RHOBTB1: variants seen among roughly 807,000 people sequenced by gnomAD.
RHOBTB1 encodes rho-related BTB domain-containing protein 1.
In RHOBTB1, 40 loss-of-function variants were observed where a neutral mutation model predicts 71.6. That is an observed-to-expected ratio of 0.56 (90% CI 0.43 to 0.73). The LOEUF (loss-of-function observed/expected upper bound fraction) is 0.73. RHOBTB1 is among the 30% of genes least tolerant of loss of function. The pLI is 0.00. For synonymous variants in RHOBTB1, 319 were observed against 334.9 expected, an observed-to-expected ratio of 0.95 and a Z score of 0.52; for missense variants, 797 against 894.0, an observed-to-expected ratio of 0.89 and a Z score of 1.38.
chr10:60,992,073 T>C (rs1187932131), intron 1 of RHOBTB1, among the ~76,000 whole-genome samples: 1 of 152,170 alleles, frequency 6.6e-6, no homozygotes, highest in African/African-American at 2.4e-5. Flanking sequence ...ATAAATTCAG[T>C]GAGAAACATG....
downstream of RHOBTB1, among the ~76,000 whole-genome samples, chr10:60,868,107 G>A (rs10994553): frequency 0.11 from 17,252 of 150,802 alleles, 1,113 homozygotes; most frequent in African/African-American, 0.17. Context: ...TCATTATGCT[G>A]TTTCTGGTTA....
intron 2 of RHOBTB1, among the ~76,000 whole-genome samples, chr10:60,938,458 A>G (rs901102541): frequency 6.6e-6 from 1 of 152,150 alleles, no homozygotes; most frequent in African/African-American, 2.4e-5. Context: ...TTCCATCCAC[A>G]TGAGGTTGGG....
At chr10:60,886,033 C>G (rs1365157043) in intron 7 of RHOBTB1, 79 bp downstream of exon 7, 24 of 1,024,424 alleles carry the variant, frequency 2.3e-5, no homozygotes, top group Non-Finnish European at 3.7e-5. Flanking sequence ...AGTCATCTGG[C>G]TGTTTACCCA....
At chr10:61,001,287 C>G (rs890297145) in intron 1 of RHOBTB1, 1 of 152,154 alleles carries the variant, frequency 6.6e-6, no homozygotes, top group African/African-American at 2.4e-5. Context: ...CATGAGCCTG[C>G]GGATGTGGGG....
chr10:60,976,356 A>C (rs1338561196), intron 2 of RHOBTB1, among the ~76,000 whole-genome samples: 1 of 151,624 alleles, frequency 6.6e-6, no homozygotes, highest in Non-Finnish European at 1.5e-5. Context: ...TATCACAGAG[A>C]GTAAGATCGC....
intron 4 of RHOBTB1, among the ~76,000 whole-genome samples, chr10:60,896,180 T>C (rs528910676): frequency 2.0e-5 from 3 of 152,368 alleles, no homozygotes; most frequent in Admixed American, 6.5e-5. Context: ...TTCATTCCCA[T>C]GTGGAGACTG....
At chr10:60,907,812 C>T (rs2082754945) in intron 4 of RHOBTB1, among the ~76,000 whole-genome samples, 1 of 152,116 alleles carries the variant, frequency 6.6e-6, no homozygotes, top group African/African-American at 2.4e-5. Flanking sequence ...TAGCTTGGCA[C>T]AGTGGAAAGA....
At chr10:60,864,736 A>C (rs2080629624), downstream of RHOBTB1, among the ~76,000 whole-genome samples, 1 of 152,014 alleles carries the variant, frequency 6.6e-6, no homozygotes, top group South Asian at 2.1e-4. Context: ...TCTGTTGCCC[A>C]GGCTGGAGTG....
chr10:60,952,257 T>G, intron 2 of RHOBTB1, among the ~76,000 whole-genome samples: 1 of 152,138 alleles, frequency 6.6e-6, no homozygotes, highest in East Asian at 1.9e-4. Context: ...TGATCACCCA[T>G]GAAAAGGCAC....
intron 2 of RHOBTB1, among the ~76,000 whole-genome samples, chr10:60,930,468 G>A (rs1589342822): frequency 1.3e-5 from 2 of 152,114 alleles, no homozygotes; most frequent in South Asian, 2.1e-4. Flanking sequence ...ATTATTGAGG[G>A]GAAAGTGTGG....
Position 60,911,653 on chromosome 10 carries a change from C to A in RHOBTB1, c.-10-101G>T, listed in dbSNP as rs146252640. The A allele has an allele frequency of 6.2e-5, 55 of 886,122 alleles. No individual in the cohort carries two copies. In the African/African-American group the frequency reaches 7.6e-4, roughly 12 times the overall value. The allele number at this position is 886,122 out of a possible 1,614,324, so 54.9% of individuals were successfully genotyped here. ...GAGTTTTGCCTTCGTCCAGCCACTTCCTTGGAGGTGCACAAGCACAGGAAA... is the reference window on the plus strand; with the variant it reads ...GAGTTTTGCCTTCGTCCAGCCACTTACTTGGAGGTGCACAAGCACAGGAAA... On this transcript the variant is annotated intron_variant, in intron 2 of 10. Coordinates refer to ENST00000337910, the MANE Select transcript of RHOBTB1 (RefSeq NM_014836.5).
At chr10:60,896,263 T>C (rs533134589) in intron 4 of RHOBTB1, among the ~76,000 whole-genome samples, 10 of 152,398 alleles carry the variant, frequency 6.6e-5, no homozygotes, top group Non-Finnish European at 1.5e-4. Context: ...AGGCAAGTTC[T>C]AGCATTTCTA....
intron 9 of RHOBTB1, among the ~76,000 whole-genome samples, chr10:60,873,751 G>T (rs1458893581): frequency 9.9e-5 from 15 of 152,252 alleles, no homozygotes; most frequent in Admixed American, 9.8e-4. Context: ...GACTGCATTA[G>T]ATGTCTATTC....
chr10:60,945,174 A>T (rs1171236384), upstream of RHOBTB1, among the ~76,000 whole-genome samples: 1 of 152,222 alleles, frequency 6.6e-6, no homozygotes, highest in East Asian at 1.9e-4. Context: ...GGGAGCTTTC[A>T]GTCAGCCTGC....
chr10:60,881,410 G>A (rs1365977344), intron 7 of RHOBTB1, among the ~76,000 whole-genome samples: 2 of 152,142 alleles, frequency 1.3e-5, no homozygotes, highest in Non-Finnish European at 2.9e-5. Flanking sequence ...AGCGCTAAGT[G>A]CTCTAAGATG....
intron 1 of RHOBTB1, chr10:61,001,384 C>A (rs1441000494): frequency 6.6e-6 from 1 of 151,870 alleles, no homozygotes; most frequent in East Asian, 2.0e-4. Flanking sequence ...CCACGCCCCG[C>A]GACGCCCGCG....
intron 2 of RHOBTB1, among the ~76,000 whole-genome samples, chr10:60,933,514 GT>G (rs2084380048): frequency 6.6e-6 from 1 of 152,172 alleles, no homozygotes; most frequent in South Asian, 2.1e-4. Flanking sequence ...AAGGTCAGGA[GT>G]TCGAGACCAG....
intron 1 of RHOBTB1, among the ~76,000 whole-genome samples, chr10:60,942,453 T>C (rs974310883): frequency 2.0e-5 from 3 of 152,248 alleles, no homozygotes; most frequent in Non-Finnish European, 4.4e-5. Context: ...TTGACTATGA[T>C]ATTCCTGCTT....
At chr10:60,862,629 TTCTC>T in the RHOBTB1 span, among the ~76,000 whole-genome samples, 6 of 151,044 alleles carry the variant, frequency 4.0e-5, no homozygotes, top group East Asian at 3.9e-4. Context: ...CCTTCCTTCC[TTCTC>T]TTTTTCCTTT....
Sources: gnomAD v4.1 joint callset for allele counts (sites outside exome capture counted in the v4.1 genomes callset) on GRCh38, gnomAD v4.1.1 for gene constraint, MANE v1.5 for transcripts, NCBI Gene and HGNC (gene_info 2026-07-23, HGNC 2026-07-21) for gene names.